BICRAL: variants seen among roughly 807,000 people sequenced by gnomAD.
BICRAL encodes the protein BICRA like chromatin remodeling complex associated protein.
A neutral mutation model predicts 91.8 loss-of-function variants in BICRAL; 8 were observed. The observed-to-expected ratio is 0.09, with a 90% CI of 0.05 to 0.16. The LOEUF (loss-of-function observed/expected upper bound fraction) is 0.16, where lower values mean the gene tolerates loss of function less well. Ranked by LOEUF, BICRAL falls within the 10% of genes least tolerant of loss-of-function variation. The probability of loss-of-function intolerance (pLI) is 1.00; values close to 1 mark genes in which losing one functional copy is unlikely to be tolerated. For missense variants in BICRAL, 1,038 were observed against 1,310.9 expected (o/e 0.79, Z 3.21); for synonymous variants, 445 against 491.1 (o/e 0.91, Z 1.24).
chr6:42,779,226 ACACACAC>A (rs1762848435), upstream of BICRAL, among the ~76,000 whole-genome samples: 1 of 7,896 alleles, frequency 1.3e-4, no homozygotes, highest in Non-Finnish European at 2.0e-4. Flanking sequence ...CAAGAAAAAC[ACACACAC>A]ACACACACAC....
intron 1 of BICRAL, among the ~76,000 whole-genome samples, chr6:42,789,021 GAGTA>G (rs770750572): frequency 1.3e-5 from 2 of 152,192 alleles, no homozygotes; most frequent in Admixed American, 6.5e-5. Context: ...AGAGGCTTGA[GAGTA>G]GTTGCAAGGG....
intron 1 of BICRAL, among the ~76,000 whole-genome samples, chr6:42,798,544 A>C (rs1405685582): frequency 6.6e-6 from 1 of 152,162 alleles, no homozygotes; most frequent in Non-Finnish European, 1.5e-5. Flanking sequence ...TAAAAGTACA[A>C]AATTAGCCAG....
chr6:42,854,814 C>T, intron 8 of BICRAL, among the ~76,000 whole-genome samples: 1 of 152,296 alleles, frequency 6.6e-6, no homozygotes. Flanking sequence ...AGCAACCACT[C>T]CTGGCCTAGT....
chr6:42,842,939 C>T (rs942911635), intron 6 of BICRAL, among the ~76,000 whole-genome samples: 1 of 151,784 alleles, frequency 6.6e-6, no homozygotes, highest in Non-Finnish European at 1.5e-5. Flanking sequence ...CTGCAAGCTC[C>T]GCCTCCCAGG....
chr6:42,833,526 C>T (rs975751051), intron 6 of BICRAL, among the ~76,000 whole-genome samples: 1 of 151,970 alleles, frequency 6.6e-6, no homozygotes. Flanking sequence ...CGGCTCACTG[C>T]AACCTCCACC....
chr6:42,753,181 C>A (rs1212755544), intron 1 of BICRAL, among the ~76,000 whole-genome samples: 2 of 152,026 alleles, frequency 1.3e-5, no homozygotes, highest in African/African-American at 4.8e-5. Context: ...TCCACCTCAC[C>A]CTCCCAAGGT....
At chr6:42,792,376 T>G (rs974539326) in intron 1 of BICRAL, among the ~76,000 whole-genome samples, 50 of 152,058 alleles carry the variant, frequency 3.3e-4, no homozygotes, top group African/African-American at 1.2e-3. Flanking sequence ...AGCAGCCCTC[T>G]CACCTCAGCC....
intron 1 of BICRAL, among the ~76,000 whole-genome samples, chr6:42,791,134 A>G (rs757753600): frequency 3.9e-5 from 6 of 151,956 alleles, no homozygotes; most frequent in Non-Finnish European, 8.8e-5. Flanking sequence ...TGGGAGCAGC[A>G]ACTTTGTTCT....
chr6:42,835,089 A>G (rs1188504199), intron 6 of BICRAL, among the ~76,000 whole-genome samples: 1 of 151,710 alleles, frequency 6.6e-6, no homozygotes, highest in East Asian at 1.9e-4. Flanking sequence ...TCTCTTTTCC[A>G]TATTTGTATA....
intron 1 of BICRAL, among the ~76,000 whole-genome samples, chr6:42,754,204 C>T (rs1762424152): frequency 6.7e-6 from 1 of 149,362 alleles, no homozygotes; most frequent in Non-Finnish European, 1.5e-5. Context: ...CGGAGTCTTG[C>T]TCTGTTGCCC....
intron 1 of BICRAL, among the ~76,000 whole-genome samples, chr6:42,782,990 G>C (rs934430802): frequency 6.6e-6 from 1 of 151,868 alleles, no homozygotes; most frequent in Non-Finnish European, 1.5e-5. Flanking sequence ...GGAGGGGAGA[G>C]GGTGGGGAGG....
chr6:42,759,233 G>A (rs550792801), intron 1 of BICRAL, among the ~76,000 whole-genome samples: 1 of 152,316 alleles, frequency 6.6e-6, no homozygotes, highest in Admixed American at 6.5e-5. Flanking sequence ...GCCCACCAAG[G>A]GCTTTGTAAA....
chr6:42,849,059 G>A (rs1032861282), intron 6 of BICRAL, among the ~76,000 whole-genome samples: 4 of 152,104 alleles, frequency 2.6e-5, no homozygotes, highest in Admixed American at 6.6e-5. Context: ...AATAGTTTAG[G>A]TTCACCCTTC....
At chr6:42,826,389 C>T (rs986795398) in intron 5 of BICRAL, among the ~76,000 whole-genome samples, 5 of 151,812 alleles carry the variant, frequency 3.3e-5, no homozygotes, top group African/African-American at 4.8e-5. Flanking sequence ...CGTGTGTCAC[C>T]GTGCCCGGCT....
chr6:42,831,506 A>C (rs1032085765), intron 6 of BICRAL, among the ~76,000 whole-genome samples: 1 of 152,084 alleles, frequency 6.6e-6, no homozygotes, highest in Admixed American at 6.6e-5. Flanking sequence ...AAGAATCTCA[A>C]ATGGTCATGA....
chr6:42,834,520 C>G (rs943408386), intron 6 of BICRAL, among the ~76,000 whole-genome samples: 1 of 152,158 alleles, frequency 6.6e-6, no homozygotes, highest in Non-Finnish European at 1.5e-5. Context: ...CTTCATTTGT[C>G]CTGTACTTAC....
At chr6:42,782,932 T>C (rs1762964811) in intron 1 of BICRAL, among the ~76,000 whole-genome samples, 1 of 142,034 alleles carries the variant, frequency 7.0e-6, no homozygotes, top group South Asian at 2.5e-4. Flanking sequence ...AGGGTGTGAA[T>C]CACATTTTCT....
chr6:42,783,271 G>A lies in BICRAL; in HGVS notation c.-102+1170G>A, dbSNP rs546102952. Among the ~76,000 whole-genome samples the A allele has an allele frequency of 2.6e-4, 39 of 152,094 alleles. No individual in the cohort carries two copies. The South Asian group carries it at 7.9e-3, about 31-fold the overall frequency. ...CCGGCCGAGCCCCCAGCCGCGCGGAGGACCGGCGGCCCAGCCGGGCGTCTC... is the reference window on the plus strand; with the variant it reads ...CCGGCCGAGCCCCCAGCCGCGCGGAAGACCGGCGGCCCAGCCGGGCGTCTC... On this transcript the variant is annotated intron_variant, in intron 1 of 12. Transcript: ENST00000314073.
chr6:42,756,905 T>C (rs1762470097), intron 1 of BICRAL, among the ~76,000 whole-genome samples: 2 of 130,174 alleles, frequency 1.5e-5, no homozygotes, highest in Non-Finnish European at 1.6e-5. Context: ...TCTCTCTCTC[T>C]CTCTCTCTCC....
Sources: allele counts gnomAD v4.1 joint callset (sites outside exome capture counted in the v4.1 genomes callset), GRCh38; gene constraint gnomAD v4.1.1; transcripts MANE v1.5; gene names NCBI Gene and HGNC (gene_info 2026-07-23, HGNC 2026-07-21).